The following NEGR1 variants were observed in gnomAD, a reference collection of about 807,000 sequenced individuals.
NEGR1 encodes neuronal growth regulator 1, also known as IgLON family member 4.
NEGR1 carries 10 observed loss-of-function variants against 40.9 expected under a neutral mutation model. The ratio of observed to expected loss-of-function variants is 0.24; its 90% CI spans 0.15 to 0.42. The LOEUF (loss-of-function observed/expected upper bound fraction) is 0.42, where lower values mean the gene tolerates loss of function less well. Among genes scored for constraint, NEGR1 ranks in the 10% least tolerant of loss-of-function variants. NEGR1 has a pLI of 1.00. For synonymous variants in NEGR1, 185 were observed against 166.8 expected (o/e 1.11, Z -0.84); for missense variants, 352 against 438.9 (o/e 0.80, Z 1.77).
Position 72,126,493 on chromosome 1 carries a change from GCA to G in NEGR1, c.176+155824_176+155825del, listed in dbSNP as rs538071884. Among the ~76,000 whole-genome samples the G allele has an allele frequency of 2.4e-4, 36 of 152,116 alleles. 1 individual carries two copies. In the South Asian group the frequency reaches 7.3e-3, roughly 31 times the overall value. On this transcript the variant is annotated intron_variant, in intron 1 of 6. Transcript: ENST00000357731. ...TAAATTTAATATTTTTTGGCAGAAA[GCA>G]CACTCAGTAGAAGCAGCACCATACT... is the stretch of plus-strand genomic sequence containing the variant.
chr1:71,605,225 T>C (rs1650042036), intron 5 of NEGR1, among the ~76,000 whole-genome samples: 1 of 152,192 alleles, frequency 6.6e-6, no homozygotes, highest in Non-Finnish European at 1.5e-5. Context: ...TAATTTTATA[T>C]ATGTATAGGG....
intron 6 of NEGR1, among the ~76,000 whole-genome samples, chr1:71,435,237 T>G (rs767704527): frequency 2.0e-5 from 3 of 152,172 alleles, no homozygotes; most frequent in Non-Finnish European, 4.4e-5. Context: ...AGGCCTTCTA[T>G]AAGAGAGTCA....
chr1:71,985,052 G>A (rs1474289313), intron 1 of NEGR1, among the ~76,000 whole-genome samples: 3 of 152,110 alleles, frequency 2.0e-5, no homozygotes, highest in African/African-American at 4.8e-5. Context: ...TACCCAGCTT[G>A]TAAATGGTAA....
chr1:71,763,381 T>C (rs1656013811), intron 3 of NEGR1, among the ~76,000 whole-genome samples: 1 of 152,294 alleles, frequency 6.6e-6, no homozygotes. Flanking sequence ...AGAAGATCTG[T>C]TCATCTTCAT....
intron 6 of NEGR1, among the ~76,000 whole-genome samples, chr1:71,448,732 G>A (rs1646602039): frequency 6.6e-6 from 1 of 152,164 alleles, no homozygotes. Context: ...AACACAGTCT[G>A]ACAAAAACAC....
At chr1:71,444,708 G>A (rs532580856) in intron 6 of NEGR1, among the ~76,000 whole-genome samples, 2 of 146,978 alleles carry the variant, frequency 1.4e-5, no homozygotes, top group African/African-American at 2.5e-5. Context: ...TGCTTGCAAA[G>A]CCAAAACTAT....
chr1:72,109,678 A>G (rs895364929), intron 1 of NEGR1, among the ~76,000 whole-genome samples: 2 of 151,698 alleles, frequency 1.3e-5, no homozygotes, highest in African/African-American at 4.8e-5. Flanking sequence ...ATTCCTTCTT[A>G]AGATCAAGAC....
At chr1:71,675,039 T>A in intron 4 of NEGR1, among the ~76,000 whole-genome samples, 1 of 148,276 alleles carries the variant, frequency 6.7e-6, no homozygotes, top group African/African-American at 2.5e-5. Context: ...ATTGCATAAA[T>A]ATATATGTGA....
intron 1 of NEGR1, among the ~76,000 whole-genome samples, chr1:72,088,117 GTCTT>G (rs1648297163): frequency 6.6e-6 from 1 of 152,104 alleles, no homozygotes; most frequent in African/African-American, 2.4e-5. Flanking sequence ...TGTAACCTGG[GTCTT>G]TCTTTGATGG....
chr1:71,699,135 A>G (rs1416362151), intron 3 of NEGR1, among the ~76,000 whole-genome samples: 1 of 151,970 alleles, frequency 6.6e-6, no homozygotes, highest in African/African-American at 2.4e-5. Flanking sequence ...AGTCAATATT[A>G]TTTCTATCTT....
At chr1:71,635,540 A>T (rs1013280532) in intron 4 of NEGR1, among the ~76,000 whole-genome samples, 1 of 152,010 alleles carries the variant, frequency 6.6e-6, no homozygotes, top group Non-Finnish European at 1.5e-5. Context: ...GATAGATTGG[A>T]TCTGAGGGAA....
intron 6 of NEGR1, among the ~76,000 whole-genome samples, chr1:71,443,295 T>C (rs79467446): frequency 2.6e-5 from 4 of 152,346 alleles, no homozygotes; most frequent in South Asian, 2.1e-4. Context: ...GAAGCCTTTG[T>C]TGACCTCGCT....
intron 3 of NEGR1, among the ~76,000 whole-genome samples, chr1:71,745,080 A>G (rs996262410): frequency 3.3e-5 from 5 of 152,134 alleles, no homozygotes; most frequent in Non-Finnish European, 5.9e-5. Flanking sequence ...TTCTTCCTTG[A>G]AATCATTAAA....
Position 71,742,091 on chromosome 1 carries a change from C to T in NEGR1, c.535+34081G>A, listed in dbSNP as rs1009865036. ...AATTAGGTCATGGGAGTGGGGCTCT[C>T]GTAAGAGGATTAGTGCACTTATGAA... On this transcript the variant is annotated intron_variant, in intron 3 of 6. Transcript: ENST00000357731. Among the ~76,000 whole-genome samples the T allele has an allele frequency of 6.6e-5, 10 of 152,066 alleles. No individual in the cohort carries two copies. The East Asian group carries it at 1.5e-3, about 23-fold the overall frequency.
chr1:72,271,798 A>C (rs1222402544), intron 1 of NEGR1, among the ~76,000 whole-genome samples: 1 of 151,870 alleles, frequency 6.6e-6, no homozygotes, highest in Non-Finnish European at 1.5e-5. Context: ...AAGTAACTGA[A>C]TCATGAGAGG....
intron 1 of NEGR1, among the ~76,000 whole-genome samples, chr1:72,224,382 T>C (rs987996924): frequency 2.0e-5 from 3 of 151,858 alleles, no homozygotes; most frequent in African/African-American, 7.3e-5. Context: ...AAGTGAAGGA[T>C]GCTATTAAAA....
intron 2 of NEGR1, among the ~76,000 whole-genome samples, chr1:71,805,016 G>A (rs866283044): frequency 2.0e-5 from 3 of 152,182 alleles, no homozygotes; most frequent in Admixed American, 6.6e-5. Context: ...TAAAATGGCT[G>A]CTTTGGGGGT....
chr1:72,113,923 T>C (rs1388432032), intron 1 of NEGR1, among the ~76,000 whole-genome samples: 1 of 151,754 alleles, frequency 6.6e-6, no homozygotes, highest in Non-Finnish European at 1.5e-5. Flanking sequence ...TTTCTTATAC[T>C]TTTGCCATAG....
intron 1 of NEGR1, among the ~76,000 whole-genome samples, chr1:72,247,282 C>T (rs948756301): frequency 3.9e-5 from 6 of 152,118 alleles, no homozygotes; most frequent in Admixed American, 3.3e-4. Context: ...AAAAAGAAAG[C>T]TTTTTCTTTC....
Sources: gnomAD v4.1 joint callset for allele counts (sites outside exome capture counted in the v4.1 genomes callset) on GRCh38, gnomAD v4.1.1 for gene constraint, MANE v1.5 for transcripts, NCBI Gene and HGNC (gene_info 2026-07-23, HGNC 2026-07-21) for gene names.